Variants in EIF4G3 observed in about 807,000 individuals in gnomAD.
EIF4G3 encodes eIF-4-gamma 3.
In EIF4G3, 34 loss-of-function variants were observed where a neutral mutation model predicts 186.4. The observed-to-expected ratio is 0.18, with a 90% CI of 0.14 to 0.24. EIF4G3 has a LOEUF of 0.24. Ranked by LOEUF, EIF4G3 falls within the 10% of genes least tolerant of loss-of-function variation. The pLI is 1.00. For missense variants in EIF4G3, 1,536 were observed against 1,948.5 expected, an observed-to-expected ratio of 0.79 and a Z score of 3.99; for synonymous variants, 673 against 679.5, an observed-to-expected ratio of 0.99 and a Z score of 0.15.
chr1:20,847,159 T>C (rs116493941), intron 29 of EIF4G3, among the ~76,000 whole-genome samples: 1,921 of 152,292 alleles, frequency 0.013, 41 homozygotes, highest in African/African-American at 0.043. Context: ...GCACCTCAGT[T>C]TCCTTATCTG....
intron 4 of EIF4G3, among the ~76,000 whole-genome samples, chr1:21,038,515 TTTC>T (rs2093372423): frequency 6.6e-6 from 1 of 152,228 alleles, no homozygotes; most frequent in Non-Finnish European, 1.5e-5. Context: ...TTCCTGTCAG[TTTC>T]TTCTTCTACA....
At chr1:21,023,349 G>A (rs924382655) in intron 4 of EIF4G3, among the ~76,000 whole-genome samples, 22 of 148,390 alleles carry the variant, frequency 1.5e-4, no homozygotes, top group Admixed American at 6.7e-5. Flanking sequence ...CTGCCATCTC[G>A]GCTCACTGCA....
In EIF4G3 at chr1:20,883,077, G is replaced by A. The variant is rs557692013; in HGVS notation, c.2424+3124C>T. On this transcript the variant is annotated intron_variant, in intron 19 of 36. Coordinates refer to ENST00000602326, the MANE Select transcript of EIF4G3 (RefSeq NM_001391906.1). Reference sequence around the variant, plus strand: ...AACCTTGGTGACAGAGTGAAACCCTGTCTCAAAAAAAAAAAAAACATTTCG... The same window carrying A: ...AACCTTGGTGACAGAGTGAAACCCTATCTCAAAAAAAAAAAAAACATTTCG... 3.0e-3 allele frequency among the ~76,000 whole-genome samples: 442 copies of A among 147,328 alleles called. 4 individuals carry two copies. Among genetic ancestry groups the A allele is most frequent in the African/African-American group, 0.011 (427 of 39,418 alleles).
intron 2 of EIF4G3, among the ~76,000 whole-genome samples, chr1:21,106,315 A>T (rs1343320407): frequency 6.6e-6 from 1 of 152,098 alleles, no homozygotes; most frequent in African/African-American, 2.4e-5. Context: ...AAAAGCTGAG[A>T]GATTATAGCA....
chr1:21,016,540 T>G (rs1232161316), intron 4 of EIF4G3, among the ~76,000 whole-genome samples: 2 of 151,912 alleles, frequency 1.3e-5, no homozygotes, highest in Non-Finnish European at 2.9e-5. Context: ...AATAATTAGT[T>G]GGGTGTGGTG....
At chr1:20,845,577 G>A (rs1364355051) in intron 29 of EIF4G3, among the ~76,000 whole-genome samples, 2 of 152,122 alleles carry the variant, frequency 1.3e-5, no homozygotes, top group East Asian at 3.9e-4. Flanking sequence ...CAGGAGAATG[G>A]TGTGAACCCA....
chr1:21,151,320 G>A (rs1385882419), intron 2 of EIF4G3, among the ~76,000 whole-genome samples: 1 of 124,878 alleles, frequency 8.0e-6, no homozygotes, highest in East Asian at 2.6e-4. Flanking sequence ...CTCACTGCAA[G>A]CTCTGCCTCC....
In EIF4G3 at chr1:20,837,284, C is replaced by A. The variant is rs532360529; in HGVS notation, c.4061+3572G>T. On this transcript the variant is annotated intron_variant, in intron 30 of 36. Coordinates refer to ENST00000602326, the MANE Select transcript of EIF4G3 (RefSeq NM_001391906.1). ...GCCATGGCACAATCTCAGCTCACTG[C>A]AACCTCTGACTCCCTGGTTCAAGCA... 2.6e-5 allele frequency among the ~76,000 whole-genome samples: 4 copies of A among 152,222 alleles called. No individual in the cohort carries two copies. In the East Asian group the frequency reaches 7.7e-4, roughly 29 times the overall value.
chr1:21,049,643 T>C (rs1392543499), intron 4 of EIF4G3, among the ~76,000 whole-genome samples: 1 of 152,178 alleles, frequency 6.6e-6, no homozygotes, highest in Non-Finnish European at 1.5e-5. Context: ...TTCTATAGTC[T>C]AAAATATAAT....
chr1:21,067,541 C>A lies in EIF4G3; in HGVS notation c.-195-16547G>T, dbSNP rs148171391. Among the ~76,000 whole-genome samples, 476 of 152,130 alleles carry A rather than the reference C, an allele frequency of 3.1e-3. 3 individuals carry two copies. Among genetic ancestry groups the A allele is most frequent in the African/African-American group, 0.011 (461 of 41,492 alleles). On this transcript the variant is annotated intron_variant, in intron 3 of 36. Transcript: ENST00000602326. The stretch of plus-strand genomic sequence containing the variant: ...AACTTTCATAAATGTTATTAATCAG[C>A]AAGCAGATACCATGATGGGTAGAAA...
intron 2 of EIF4G3, among the ~76,000 whole-genome samples, chr1:21,105,892 A>C (rs1041660854): frequency 1.3e-5 from 2 of 152,100 alleles, no homozygotes; most frequent in African/African-American, 4.8e-5. Context: ...TCAAGAACTC[A>C]TCTCTACAAA....
At chr1:20,873,564 A>T (rs564456465) in intron 20 of EIF4G3, among the ~76,000 whole-genome samples, 1 of 152,046 alleles carries the variant, frequency 6.6e-6, no homozygotes, top group Non-Finnish European at 1.5e-5. Flanking sequence ...TTATTGCCCA[A>T]TTGCCCTCAT....
chr1:20,863,174 G>A (rs1048649427), intron 22 of EIF4G3, among the ~76,000 whole-genome samples: 10 of 151,988 alleles, frequency 6.6e-5, no homozygotes, highest in African/African-American at 2.2e-4. Flanking sequence ...CTTTGGTCAC[G>A]TGATTAATGA....
At chr1:21,138,547 A>G (rs2097286491) in intron 2 of EIF4G3, among the ~76,000 whole-genome samples, 1 of 152,208 alleles carries the variant, frequency 6.6e-6, no homozygotes, top group Middle Eastern at 3.2e-3. Flanking sequence ...TGTGGGGCAC[A>G]GTGGCTCACA....
At chr1:21,089,411 T>C (rs1403353149) in intron 2 of EIF4G3, among the ~76,000 whole-genome samples, 198 bp from the exon 3 acceptor site, 3 of 152,188 alleles carry the variant, frequency 2.0e-5, no homozygotes, top group African/African-American at 2.4e-5. Flanking sequence ...AGCCTTCCCA[T>C]GATAAACATT....
At chr1:21,106,011 G>A (rs2096611152) in intron 2 of EIF4G3, among the ~76,000 whole-genome samples, 1 of 152,070 alleles carries the variant, frequency 6.6e-6, no homozygotes, top group Non-Finnish European at 1.5e-5. Context: ...AGGTTACAGT[G>A]AGCTATGAAT....
intron 2 of EIF4G3, among the ~76,000 whole-genome samples, chr1:21,097,256 G>A (rs1254182284): frequency 6.6e-6 from 1 of 152,042 alleles, no homozygotes; most frequent in Non-Finnish European, 1.5e-5. Context: ...TCGAAAAAAG[G>A]TGCTGTGTGC....
chr1:20,923,612 A>G (rs1045081089), intron 14 of EIF4G3, among the ~76,000 whole-genome samples: 6 of 152,124 alleles, frequency 3.9e-5, no homozygotes, highest in African/African-American at 1.2e-4. Context: ...GCTACAGCTC[A>G]CTGCCTCGAA....
Position 20,813,947 on chromosome 1 carries a change from G to GTTTTT in EIF4G3, c.4516-713_4516-709dup, listed in dbSNP as rs576925301. Among the ~76,000 whole-genome samples the GTTTTT allele has an allele frequency of 7.2e-4, 56 of 77,340 alleles. 3 individuals carry two copies. The highest frequency in any genetic ancestry group is 2.5e-3 in the African/African-American group (49 of 19,702). 50.7% of individuals were successfully genotyped at this position (77,340 alleles called of 152,430 possible). On this transcript the variant is annotated intron_variant, in intron 34 of 36. Coordinates refer to ENST00000602326, the MANE Select transcript of EIF4G3 (RefSeq NM_001391906.1). ...TGGCACTAAGAACAGATGAGTCACTGTTTTTTTTTTTTTTTTTTTTTTGAG... is the reference window on the plus strand; with the variant it reads ...TGGCACTAAGAACAGATGAGTCACTGTTTTTTTTTTTTTTTTTTTTTTTTTTTGAG...
Sources: allele counts gnomAD v4.1 joint callset (sites outside exome capture counted in the v4.1 genomes callset), GRCh38; gene constraint gnomAD v4.1.1; transcripts MANE v1.5; gene names NCBI Gene and HGNC (gene_info 2026-07-23, HGNC 2026-07-21).